Variants in MGAT4B observed in about 807,000 individuals in gnomAD.
MGAT4B encodes the protein alpha-1,3-mannosyl-glycoprotein 4-beta-N-acetylglucosaminyltransferase B, also known as N-acetylglucosaminyltransferase IVb.
In MGAT4B, 38 loss-of-function variants were observed where a neutral mutation model predicts 73.9. That is an observed-to-expected ratio of 0.51 (90% CI 0.40 to 0.67). The LOEUF is 0.67. Ranked by LOEUF, MGAT4B falls within the 30% of genes least tolerant of loss-of-function variation. The pLI, the probability that MGAT4B is intolerant of heterozygous loss-of-function variation, is 0.00. For missense variants in MGAT4B, 686 were observed against 735.2 expected (o/e 0.93, Z 0.77); for synonymous variants, 373 against 313.5 (o/e 1.19, Z -2.01).
Position 179,801,736 on chromosome 5 carries a change from T to A in MGAT4B, c.284-42A>T. The stretch of plus-strand genomic sequence containing the variant: ...GGATCGGGACTGAGACCAGGGAACC[T>A]ACAACCAGCCCGCCCCCGCCTTTTC... On this transcript the variant is annotated intron_variant, in intron 2 of 14. Transcript: ENST00000292591. The surrounding 1 kb of genome is among the most constrained non-coding windows in gnomAD (Gnocchi z 4.8). 6.3e-7 allele frequency: 1 copy of A among 1,588,024 alleles called. No individual in the cohort carries two copies. Among genetic ancestry groups the A allele is most frequent in the Non-Finnish European group, 8.6e-7 (1 of 1,166,486 alleles).
At position 179,798,199 on chromosome 5, in the gene MGAT4B, T is replaced by C. The variant is rs1171915659; in HGVS notation, c.1589A>G (p.Gln530Arg). 2 of 1,599,656 alleles carry C rather than the reference T, an allele frequency of 1.3e-6. No individual in the cohort carries two copies. Among genetic ancestry groups the C allele is most frequent in the East Asian group, 2.3e-5 (1 of 44,394 alleles). The change falls in exon 14 of 15, where the codon CAG (glutamine) becomes CGG (arginine). Residue 530 changes from glutamine (Q) to arginine (R), a missense_variant. Physicochemically the swap from Gln to Arg is conservative, Grantham distance 43 (BLOSUM62 1). Coordinates refer to ENST00000292591, the MANE Select transcript of MGAT4B (RefSeq NM_014275.5). ...AATCACCCACACAGGGGAGTCCGTCTGGATCGAGAGGCGCAGTGCTTCCAG... is the reference window on the plus strand; with the variant it reads ...AATCACCCACACAGGGGAGTCCGTCCGGATCGAGAGGCGCAGTGCTTCCAG... Reference protein sequence around the residue: ...GPLEALRLSIQTDSPVWVILS... With the variant: ...GPLEALRLSIRTDSPVWVILS...
intron 10 of MGAT4B, 34 bp from the exon 11 acceptor site, chr5:179,799,155 G>A (rs776181503): frequency 3.1e-6 from 5 of 1,613,928 alleles, no homozygotes; most frequent in Admixed American, 1.7e-5. Flanking sequence ...TGATGGCGTG[G>A]GCCCCGACCT....
In MGAT4B at chr5:179,801,191, C is replaced by T. The variant is rs1457056788; in HGVS notation, c.558+143G>A. 6.1e-6 allele frequency: 8 copies of T among 1,311,578 alleles called. No individual in the cohort carries two copies. Among genetic ancestry groups the T allele is most frequent in the Non-Finnish European group, 8.2e-6 (8 of 974,818 alleles). 81.2% of individuals were successfully genotyped at this position (1,311,578 alleles called of 1,614,324 possible). ...GGTAGAGGGTGCCAGAAAGCCCTTT[C>T]AACTTTCTATCTCGGAGCATTTGCG... On this transcript the variant is annotated intron_variant, in intron 4 of 14. Coordinates refer to ENST00000292591, the MANE Select transcript of MGAT4B (RefSeq NM_014275.5). This position sits in a 1 kb window ranked among gnomAD's most constrained non-coding sequence, Gnocchi z 4.8.
chr5:179,802,200 C>A (rs958994311), intron 1 of MGAT4B: 6 of 1,481,860 alleles, frequency 4.0e-6, no homozygotes, highest in Non-Finnish European at 5.3e-6. Context: ...TCTCCCCCAC[C>A]GGGGGTTATT....
intron 1 of MGAT4B, 198 bp from the exon 2 acceptor site, chr5:179,802,167 G>A (rs1043210662): frequency 1.1e-5 from 16 of 1,504,136 alleles, no homozygotes; most frequent in African/African-American, 1.4e-5. Context: ...AGAAAACCAG[G>A]GGAATTAGCC....
chr5:179,799,820 G>T, intron 8 of MGAT4B, 134 bp downstream of exon 8: 2 of 1,228,504 alleles, frequency 1.6e-6, no homozygotes, highest in Non-Finnish European at 2.3e-6. Flanking sequence ...GAACAGGCCA[G>T]GTGGGGCTGT....
rs367910671 is a variant in MGAT4B at position 179,800,083 on chromosome 5, G to A, written c.796-15C>T. 194 of 1,612,930 alleles carry A rather than the reference G, an allele frequency of 1.2e-4. No individual in the cohort carries two copies. The highest frequency in any genetic ancestry group is 1.6e-4 in the Non-Finnish European group (188 of 1,179,040). On this transcript the variant is annotated splice_polypyrimidine_tract_variant and intron_variant, in intron 7 of 14. Transcript: ENST00000292591. ...TCATCCTCCAGCTGCGAGGTGAGCA[G>A]AGAGGGGCTGGGGCTGAGGAAGGGC... is the stretch of plus-strand genomic sequence containing the variant.
Position 179,798,199 on chromosome 5 carries a change from T to A in MGAT4B, c.1589A>T (p.Gln530Leu), listed in dbSNP as rs1171915659. 1 of 1,599,658 alleles carries A rather than the reference T, an allele frequency of 6.3e-7. No homozygotes were observed. Among genetic ancestry groups the A allele is most frequent in the East Asian group, 2.3e-5 (1 of 44,394 alleles). The change falls in exon 14 of 15, where the codon CAG (glutamine) becomes CTG (leucine). Residue 530 changes from glutamine (Q) to leucine (L), a missense_variant. By Grantham distance (113) the Gln-to-Leu change is moderately radical (BLOSUM62 -2). Coordinates refer to ENST00000292591, the MANE Select transcript of MGAT4B (RefSeq NM_014275.5). ...AATCACCCACACAGGGGAGTCCGTC[T>A]GGATCGAGAGGCGCAGTGCTTCCAG... Reference protein sequence around the residue: ...GPLEALRLSIQTDSPVWVILS... With the variant: ...GPLEALRLSILTDSPVWVILS...
chr5:179,799,478 CCT>C lies in MGAT4B; in HGVS notation c.1041+26_1041+27del, dbSNP rs1756811567. 20 of 1,613,210 alleles carry C rather than the reference CCT, an allele frequency of 1.2e-5. No homozygotes were observed. The East Asian group carries it at 3.6e-4, about 29-fold the overall frequency. On this transcript the variant is annotated intron_variant, in intron 9 of 14. Transcript: ENST00000292591. ...AGGCTGCCTGCCCCTTGGCCCTGCCCCTGCCAGTCCCGCCAGCTCTTGCTCAC... is the reference window on the plus strand; with the variant it reads ...AGGCTGCCTGCCCCTTGGCCCTGCCCGCCAGTCCCGCCAGCTCTTGCTCAC...
At chr5:179,804,209 G>A (rs1757052123) in intron 1 of MGAT4B, among the ~76,000 whole-genome samples, 1 of 152,364 alleles carries the variant, frequency 6.6e-6, no homozygotes, top group South Asian at 2.1e-4. Context: ...CAACCTTTGT[G>A]CCTTGTACTC....
At position 179,799,537 on chromosome 5, in the gene MGAT4B, C is replaced by T. The variant is rs1399751775; in HGVS notation, c.1010G>A (p.Trp337Ter). 1.2e-6 allele frequency: 2 copies of T among 1,613,872 alleles called. No individual in the cohort carries two copies. Among genetic ancestry groups the T allele is most frequent in the Non-Finnish European group, 1.7e-6 (2 of 1,180,038 alleles). ...PIDWLLDHIL[W>*]VKVCNPEKDA... is the part of the protein sequence containing the mutation. Reference sequence around the variant, plus strand: ...CTTCTCGGGGTTGCAGACTTTCACCCACAGAATATGGTCCAGGAGCCAGTC... The same window carrying T: ...CTTCTCGGGGTTGCAGACTTTCACCTACAGAATATGGTCCAGGAGCCAGTC... Residue 337 changes from tryptophan to a stop codon, truncating the protein, a stop_gained, in exon 9 of 15, where the codon TGG becomes TAG. Coordinates refer to ENST00000292591, the MANE Select transcript of MGAT4B (RefSeq NM_014275.5). LOFTEE classifies it high-confidence loss of function.
In MGAT4B at chr5:179,805,728, C is replaced by A. The variant is rs1322133572; in HGVS notation, c.97+759G>T. On this transcript the variant is annotated intron_variant, in intron 1 of 14. Transcript: ENST00000292591. ...CTTAGGCCTCCAGCAGGCAGGCAGGCAGGAGGCCACTCTCCCGGAACCTCC... is the reference window on the plus strand; with the variant it reads ...CTTAGGCCTCCAGCAGGCAGGCAGGAAGGAGGCCACTCTCCCGGAACCTCC... Among the ~76,000 whole-genome samples, 12 of 152,352 alleles carry A rather than the reference C, an allele frequency of 7.9e-5. No individual in the cohort carries two copies. The East Asian group carries it at 2.3e-3, about 29-fold the overall frequency.
Position 179,801,116 on chromosome 5 carries a change from T to C in MGAT4B, c.559-163A>G, listed in dbSNP as rs1328224824. ...GGCCCCCAGAGACGGCCCTTTCCCT[T>C]TGGGACTCGCATGGCCAAGGACTAG... On this transcript the variant is annotated intron_variant, in intron 4 of 14. Transcript: ENST00000292591. This position sits in a 1 kb window ranked among gnomAD's most constrained non-coding sequence, Gnocchi z 4.8. 4 of 1,135,398 alleles carry C rather than the reference T, an allele frequency of 3.5e-6. No individual in the cohort carries two copies. In the Admixed American group the frequency reaches 7.1e-5, roughly 20 times the overall value. 70.3% of individuals were successfully genotyped at this position (1,135,398 alleles called of 1,614,324 possible). A position where few individuals can be genotyped will look rare whatever the true frequency, so the allele number is the denominator to read the frequency against.
Position 179,798,361 on chromosome 5 carries a change from C to G in MGAT4B, c.1496G>C (p.Gly499Ala). 6.2e-7 allele frequency: 1 copy of G among 1,613,050 alleles called. No homozygotes were observed. Among genetic ancestry groups the G allele is most frequent in the Non-Finnish European group, 8.5e-7 (1 of 1,179,998 alleles). ...ATLRYPRSPD[G>A]YLQIGSFYKG... Reference sequence around the variant, plus strand: ...ACCCTACCCACCGATCTGGAGGTAGCCGTCGGGGCTCCGAGGGTACCGGAG... The same window carrying G: ...ACCCTACCCACCGATCTGGAGGTAGGCGTCGGGGCTCCGAGGGTACCGGAG... The change falls in exon 13 of 15, where the codon GGC becomes GCC. Residue 499 changes from glycine (G) to alanine (A), a missense_variant. Physicochemically the swap from Gly to Ala is moderately conservative, Grantham distance 60 (BLOSUM62 0). Coordinates refer to ENST00000292591, the MANE Select transcript of MGAT4B (RefSeq NM_014275.5).
chr5:179,802,654 G>A, intron 1 of MGAT4B: 3 of 986,598 alleles, frequency 3.0e-6, no homozygotes, highest in Non-Finnish European at 3.6e-6. Context: ...GGGTCCGCAT[G>A]CCACCCCAGG....
intron 8 of MGAT4B, 145 bp from the exon 9 acceptor site, chr5:179,799,781 G>A (rs550502898): frequency 4.5e-6 from 6 of 1,319,726 alleles, no homozygotes; most frequent in African/African-American, 1.5e-5. Context: ...AGGTGATGAG[G>A]GCAGACATGT....
chr5:179,797,811 C>T lies in MGAT4B; in HGVS notation c.*234G>A, dbSNP rs891799647. 11 of 533,764 alleles carry T rather than the reference C, an allele frequency of 2.1e-5. No individual in the cohort carries two copies. In the East Asian group the frequency reaches 2.4e-4, roughly 12 times the overall value. The allele number at this position is 533,764 out of a possible 1,614,324, so 33.1% of individuals were successfully genotyped here. On this transcript the variant is annotated 3_prime_UTR_variant, in exon 15 of 15. Transcript: ENST00000292591. Reference sequence around the variant, plus strand: ...GGGGCAGGCCGGGTGCGAACGGTTCCGGGCCTCAGGCACAGTGTGGGGGCC... The same window carrying T: ...GGGGCAGGCCGGGTGCGAACGGTTCTGGGCCTCAGGCACAGTGTGGGGGCC...
chr5:179,797,708 A>G lies in MGAT4B; in HGVS notation c.*337T>C, dbSNP rs1033863918. On this transcript the variant is annotated 3_prime_UTR_variant, in exon 15 of 15. Transcript: ENST00000292591. ...TCCAAGAATAAAAAACACAGCACATAAAGTAGTATATGCATTCCAGTGTTC... is the reference window on the plus strand; with the variant it reads ...TCCAAGAATAAAAAACACAGCACATGAAGTAGTATATGCATTCCAGTGTTC... 4.5e-5 allele frequency: 12 copies of G among 266,710 alleles called. No homozygotes were observed. Among genetic ancestry groups the G allele is most frequent in the East Asian group, 3.3e-4 (4 of 12,196 alleles). 16.5% of individuals were successfully genotyped at this position (266,710 alleles called of 1,614,324 possible).
At chr5:179,799,471 C>T in intron 9 of MGAT4B, 35 bp downstream of exon 9, 6 of 1,612,566 alleles carry the variant, frequency 3.7e-6, no homozygotes, top group Non-Finnish European at 4.2e-6. Flanking sequence ...TGCCCCTTGG[C>T]CCTGCCCCTG....
Sources: gnomAD v4.1 joint callset for allele counts (sites outside exome capture counted in the v4.1 genomes callset) on GRCh38, gnomAD v4.1.1 for gene constraint, Gnocchi (gnomAD v3.1) non-coding constraint, MANE v1.5 for transcripts, NCBI Gene and HGNC (gene_info 2026-07-23, HGNC 2026-07-21) for gene names.